The following LZTFL1 variants were observed in gnomAD, a reference collection of about 807,000 sequenced individuals.
LZTFL1 encodes leucine zipper transcription factor like 1, also known as leucine zipper transcription factor-like protein 1.
LZTFL1 carries 25 observed loss-of-function variants against 45.9 expected under a neutral mutation model. The observed-to-expected ratio is 0.54, with a 90% CI of 0.40 to 0.76. The LOEUF (loss-of-function observed/expected upper bound fraction) is 0.76, where lower values mean the gene tolerates loss of function less well. Ranked by LOEUF, LZTFL1 falls within the 30% of genes least tolerant of loss-of-function variation. The pLI is 0.00. For synonymous variants in LZTFL1, 93 were observed against 117.4 expected, an observed-to-expected ratio of 0.79 and a Z score of 1.35; for missense variants, 277 against 331.1, an observed-to-expected ratio of 0.84 and a Z score of 1.27.
intron 8 of LZTFL1, among the ~76,000 whole-genome samples, 192 bp from the exon 9 acceptor site, chr3:45,827,651 G>A (rs1354096130): frequency 6.6e-6 from 1 of 151,984 alleles, no homozygotes; most frequent in African/African-American, 2.4e-5. Context: ...TCTTTCAAAT[G>A]AGAAGCCATA....
intron 2 of LZTFL1, among the ~76,000 whole-genome samples, chr3:45,892,922 C>T (rs532820879): frequency 3.3e-5 from 5 of 152,252 alleles, no homozygotes; most frequent in Admixed American, 3.3e-4. Flanking sequence ...AAGTGAAGTG[C>T]CAGAAGGTTT....
intron 2 of LZTFL1, among the ~76,000 whole-genome samples, chr3:45,890,281 T>TAAC (rs1559421405): frequency 7.8e-5 from 5 of 64,416 alleles, no homozygotes; most frequent in African/African-American, 2.2e-4. Context: ...CATATATATA[T>TAAC]ATTTATATAA....
intron 2 of LZTFL1, among the ~76,000 whole-genome samples, chr3:45,872,559 G>A (rs1268878748): frequency 6.6e-6 from 1 of 152,194 alleles, no homozygotes; most frequent in Non-Finnish European, 1.5e-5. Flanking sequence ...TGGGGGGCTT[G>A]TTGAAGTGCA....
At chr3:45,885,752 C>T (rs1701965005) in intron 2 of LZTFL1, among the ~76,000 whole-genome samples, 1 of 152,234 alleles carries the variant, frequency 6.6e-6, no homozygotes. Flanking sequence ...TACAGGGTCT[C>T]AGTCTGTTGC....
At chr3:45,913,066 T>C (rs1329228403) in intron 2 of LZTFL1, 4 of 1,487,650 alleles carry the variant, frequency 2.7e-6, no homozygotes, top group Non-Finnish European at 3.6e-6. Context: ...CTCCTACAGC[T>C]GTCTCAGCAT....
intron 2 of LZTFL1, among the ~76,000 whole-genome samples, chr3:45,890,306 T>TATATATATATAAATATATATAAC (rs1702122687): frequency 1.9e-4 from 3 of 15,452 alleles, no homozygotes; most frequent in Non-Finnish European, 2.9e-4. Flanking sequence ...ATATATAACA[T>TATATATATATAAATATATATAAC]ATATATATAT....
Position 45,901,685 on chromosome 3 carries a change from C to T in LZTFL1, c.-215+11435G>A. On this transcript the variant is annotated intron_variant, in intron 2 of 4. Coordinates refer to the LZTFL1 transcript ENST00000472635. This position sits in a 1 kb window ranked among gnomAD's most constrained non-coding sequence, Gnocchi z 4.3. ...TTTCCACCAACATTGACATCTGCTT[C>T]CAGGTCACCCAGACCATCGCCTTCT... 1 of 1,614,064 alleles carries T rather than the reference C, an allele frequency of 6.2e-7. No individual in the cohort carries two copies. The highest frequency in any genetic ancestry group is 8.5e-7 in the Non-Finnish European group (1 of 1,179,884).
chr3:45,854,025 C>G (rs920649603), intron 4 of LZTFL1, among the ~76,000 whole-genome samples: 3 of 152,198 alleles, frequency 2.0e-5, no homozygotes, highest in Non-Finnish European at 4.4e-5. Context: ...AATGCCTTGT[C>G]TCAGGTCTGC....
chr3:45,897,125 C>CT (rs913939435), intron 2 of LZTFL1, among the ~76,000 whole-genome samples: 17 of 152,298 alleles, frequency 1.1e-4, no homozygotes, highest in African/African-American at 3.8e-4. Flanking sequence ...GGATGGGCCC[C>CT]TTGCCCTGGC....
At chr3:45,873,438 C>T (rs1701701504) in intron 2 of LZTFL1, among the ~76,000 whole-genome samples, 1 of 152,132 alleles carries the variant, frequency 6.6e-6, no homozygotes, top group African/African-American at 2.4e-5. Context: ...ACTTGCCTTC[C>T]CATCTTTACA....
At chr3:45,838,196 C>T (rs959052757) in intron 1 of LZTFL1, 145 bp from the exon 2 acceptor site, 11 of 846,316 alleles carry the variant, frequency 1.3e-5, no homozygotes, top group Non-Finnish European at 1.6e-5. Context: ...TGCATGGCTG[C>T]CCACCTAGAT....
At chr3:45,904,493 A>G (rs1702640219) in intron 2 of LZTFL1, among the ~76,000 whole-genome samples, 1 of 152,114 alleles carries the variant, frequency 6.6e-6, no homozygotes, top group Non-Finnish European at 1.5e-5. Context: ...GAGAGCTGAC[A>G]CAGCTCCTGA....
At chr3:45,843,873 G>A (rs896682070), upstream of LZTFL1, among the ~76,000 whole-genome samples, 16 of 152,138 alleles carry the variant, frequency 1.1e-4, no homozygotes, top group African/African-American at 3.6e-4. Context: ...GGTCACCAAA[G>A]CAAACAATTC....
chr3:45,904,084 C>A (rs1287383441), intron 2 of LZTFL1, among the ~76,000 whole-genome samples: 3 of 152,158 alleles, frequency 2.0e-5, no homozygotes, highest in Admixed American at 6.5e-5. Flanking sequence ...ATTATGGAGC[C>A]TTCCCAGGTG....
intron 2 of LZTFL1, among the ~76,000 whole-genome samples, chr3:45,870,491 G>A (rs1275541929): frequency 6.6e-6 from 1 of 152,212 alleles, no homozygotes; most frequent in Non-Finnish European, 1.5e-5. Flanking sequence ...GTGTGTGTTT[G>A]TGGTTGAACA....
At chr3:45,883,429 AC>A (rs914030071) in intron 2 of LZTFL1, among the ~76,000 whole-genome samples, 15 of 152,222 alleles carry the variant, frequency 9.9e-5, no homozygotes, top group Admixed American at 9.2e-4. Context: ...CAGAATACAG[AC>A]CTCAGTCTCA....
chr3:45,906,011 C>T (rs1702671687), intron 2 of LZTFL1, among the ~76,000 whole-genome samples: 1 of 152,212 alleles, frequency 6.6e-6, no homozygotes, highest in African/African-American at 2.4e-5. Flanking sequence ...TCACATCCCT[C>T]CAAAGGCATT....
At chr3:45,909,701 G>T (rs1320825919) in intron 2 of LZTFL1, among the ~76,000 whole-genome samples, 1 of 152,208 alleles carries the variant, frequency 6.6e-6, no homozygotes, top group African/African-American at 2.4e-5. Context: ...AAGGAGGGAC[G>T]GAGTCCCCTG....
At chr3:45,881,328 C>T (rs1165820306) in intron 2 of LZTFL1, among the ~76,000 whole-genome samples, 1 of 152,202 alleles carries the variant, frequency 6.6e-6, no homozygotes, top group East Asian at 1.9e-4. Context: ...CCAACATTTC[C>T]TCCCACACAC....
Sources: allele counts gnomAD v4.1 joint callset (sites outside exome capture counted in the v4.1 genomes callset), GRCh38; gene constraint gnomAD v4.1.1; non-coding constraint Gnocchi (gnomAD v3.1); transcripts MANE v1.5; gene names NCBI Gene and HGNC (gene_info 2026-07-23, HGNC 2026-07-21).